Variants in PLEKHH2 observed in about 807,000 individuals in gnomAD.
The protein encoded by PLEKHH2 is pleckstrin homology domain-containing family H member 2.
In PLEKHH2, 129 loss-of-function variants were observed where a neutral mutation model predicts 187.9. The ratio of observed to expected loss-of-function variants is 0.69; its 90% CI spans 0.59 to 0.79. PLEKHH2 has a LOEUF of 0.79. PLEKHH2 is among the 30% of genes least tolerant of loss of function. PLEKHH2 has a pLI of 0.00. For missense variants in PLEKHH2, 2,076 were observed against 1,751.2 expected (o/e 1.19, Z -3.31); for synonymous variants, 686 against 605.6 (o/e 1.13, Z -1.95).
At chr2:43,711,006 C>G in intron 14 of PLEKHH2, 2 of 995,856 alleles carry the variant, frequency 2.0e-6, no homozygotes, top group Non-Finnish European at 2.4e-6. Context: ...TGCCATAACA[C>G]CAAAGTGGGA....
In PLEKHH2 at chr2:43,731,558, C is replaced by G. The variant is rs778719096; in HGVS notation, c.2899C>G (p.Leu967Val). Residue 967 changes from leucine (L) to valine (V), a missense_variant, in exon 19 of 30, where the codon CTA becomes GTA. Leu to Val is a conservative substitution (Grantham distance 32). Transcript: ENST00000282406. ...KEGIISPLTT[L>V]PSEALQTEAI... ...AGGAATCATTTCCCCTCTGACAACT[C>G]TACCTTCCGAAGCCCTGCAGACAGA... 4 of 1,604,832 alleles carry G rather than the reference C, an allele frequency of 2.5e-6. No individual in the cohort carries two copies. Among genetic ancestry groups the G allele is most frequent in the Non-Finnish European group, 2.6e-6 (3 of 1,172,120 alleles).
chr2:43,680,107 T>C (rs982810488), intron 3 of PLEKHH2, among the ~76,000 whole-genome samples: 1 of 152,230 alleles, frequency 6.6e-6, no homozygotes, highest in African/African-American at 2.4e-5. Flanking sequence ...CCATAGCTTC[T>C]CATTTCATGA....
chr2:43,641,189 C>A (rs1360960567), intron 1 of PLEKHH2, among the ~76,000 whole-genome samples: 2 of 152,044 alleles, frequency 1.3e-5, no homozygotes, highest in African/African-American at 4.8e-5. Context: ...ACATGATTTG[C>A]AACTATTTTT....
chr2:43,757,922 T>C (rs1255091725), intron 26 of PLEKHH2, among the ~76,000 whole-genome samples: 2 of 152,292 alleles, frequency 1.3e-5, no homozygotes, highest in African/African-American at 4.8e-5. Context: ...ATTTTGTATA[T>C]TCTATTATGA....
intron 1 of PLEKHH2, among the ~76,000 whole-genome samples, chr2:43,637,760 G>C (rs551144596): frequency 1.1e-4 from 17 of 152,198 alleles, no homozygotes; most frequent in African/African-American, 2.4e-4. Flanking sequence ...GGACCCGCGC[G>C]GTCAGGGATG....
rs1666597633 is a variant in PLEKHH2 at position 43,653,653 on chromosome 2, G to T, written c.123+8857G>T. ...GAAGTCAGCTGTGCCCAGGCAGACAGGTGAACCAATTGAGCCTGGCACAGG... is the reference window on the plus strand; with the variant it reads ...GAAGTCAGCTGTGCCCAGGCAGACATGTGAACCAATTGAGCCTGGCACAGG... On this transcript the variant is annotated intron_variant, in intron 2 of 29. Coordinates refer to ENST00000282406, the MANE Select transcript of PLEKHH2 (RefSeq NM_172069.4). 2.0e-5 allele frequency among the ~76,000 whole-genome samples: 3 copies of T among 152,198 alleles called. No individual in the cohort carries two copies. In the South Asian group the frequency reaches 6.2e-4, roughly 31 times the overall value.
chr2:43,667,897 A>G (rs548457522), intron 2 of PLEKHH2, among the ~76,000 whole-genome samples: 2 of 152,134 alleles, frequency 1.3e-5, no homozygotes, highest in South Asian at 4.2e-4. Context: ...ATATAGTAAA[A>G]AAAAACGCTG....
Position 43,741,014 on chromosome 2 carries a change from G to A in PLEKHH2, c.3192G>A (p.Arg1064=), listed in dbSNP as rs1029421744. The change falls in exon 21 of 30, where the codon AGG becomes AGA. Residue 1064 remains arginine (R), a synonymous_variant. Transcript: ENST00000282406. ...ATCATCCTTTCCTGTGGCTCCTCAGGCTTCACCTAAAGAGGAATGCAGATT... is the reference window on the plus strand; with the variant it reads ...ATCATCCTTTCCTGTGGCTCCTCAGACTTCACCTAAAGAGGAATGCAGATT... The part of the protein sequence containing the change: ...LPHHPFLWLL[R]LHLKRNADSR... The A allele has an allele frequency of 6.2e-7, 1 of 1,613,808 alleles. No individual in the cohort carries two copies. Among genetic ancestry groups the A allele is most frequent in the Non-Finnish European group, 8.5e-7 (1 of 1,179,844 alleles).
chr2:43,639,608 C>CT (rs1703272238), intron 1 of PLEKHH2, among the ~76,000 whole-genome samples: 2 of 149,286 alleles, frequency 1.3e-5, no homozygotes, highest in African/African-American at 4.9e-5. Context: ...TACTGTATTC[C>CT]TTTTTTATGG....
At chr2:43,682,556 T>C (rs1354217356) in intron 3 of PLEKHH2, among the ~76,000 whole-genome samples, 1 of 152,128 alleles carries the variant, frequency 6.6e-6, no homozygotes, top group Non-Finnish European at 1.5e-5. Flanking sequence ...TTGCCCCCCT[T>C]GGCCTCCCAA....
intron 18 of PLEKHH2, among the ~76,000 whole-genome samples, chr2:43,730,707 A>G (rs1670996867): frequency 6.6e-6 from 1 of 152,136 alleles, no homozygotes; most frequent in African/African-American, 2.4e-5. Flanking sequence ...CCTGAAATGA[A>G]TTTTTATGGC....
intron 24 of PLEKHH2, among the ~76,000 whole-genome samples, chr2:43,746,256 C>G (rs746449882): frequency 6.6e-6 from 1 of 152,228 alleles, no homozygotes; most frequent in African/African-American, 2.4e-5. Context: ...ATAATCCCAG[C>G]ACTTTGGGAG....
At chr2:43,674,239 T>C (rs1667619601) in intron 2 of PLEKHH2, among the ~76,000 whole-genome samples, 1 of 152,162 alleles carries the variant, frequency 6.6e-6, no homozygotes, top group African/African-American at 2.4e-5. Context: ...GAGAACTATT[T>C]TTTTCACTAG....
At chr2:43,678,986 G>C in intron 3 of PLEKHH2, 61 bp downstream of exon 3, 1 of 1,151,128 alleles carries the variant, frequency 8.7e-7, no homozygotes, top group Non-Finnish European at 1.3e-6. Flanking sequence ...AGATTGTTTT[G>C]CTCATAATGG....
At chr2:43,711,361 T>A (rs1669956431) in intron 14 of PLEKHH2, 1 of 985,404 alleles carries the variant, frequency 1.0e-6, no homozygotes, top group Non-Finnish European at 1.2e-6. Context: ...CAGTTAAGAA[T>A]CATTTGTAAG....
intron 25 of PLEKHH2, among the ~76,000 whole-genome samples, chr2:43,755,192 C>G (rs951670222): frequency 2.0e-5 from 3 of 151,996 alleles, no homozygotes; most frequent in African/African-American, 4.8e-5. Flanking sequence ...ATATTGAAAA[C>G]CAAACTAATC....
At chr2:43,693,649 A>G (rs796112219) in intron 4 of PLEKHH2, among the ~76,000 whole-genome samples, 5 of 141,180 alleles carry the variant, frequency 3.5e-5, no homozygotes, top group African/African-American at 1.3e-4. Context: ...GCGTGAACCC[A>G]GGAGGTGGAG....
chr2:43,679,055 C>A (rs916219350), intron 3 of PLEKHH2, 130 bp downstream of exon 3: 2 of 517,394 alleles, frequency 3.9e-6, no homozygotes, highest in Non-Finnish European at 6.7e-6. Flanking sequence ...TAGCTTGATC[C>A]ATAAAGAAAA....
At chr2:43,688,475 G>T (rs1197446310) in intron 3 of PLEKHH2, among the ~76,000 whole-genome samples, 2 of 152,162 alleles carry the variant, frequency 1.3e-5, no homozygotes, top group African/African-American at 4.8e-5. Flanking sequence ...GTCACATCTT[G>T]ATTATGTATA....
Sources: allele counts gnomAD v4.1 joint callset (sites outside exome capture counted in the v4.1 genomes callset), GRCh38; gene constraint gnomAD v4.1.1; transcripts MANE v1.5; gene names NCBI Gene and HGNC (gene_info 2026-07-23, HGNC 2026-07-21).